The following SLC1A6 variants were observed in gnomAD, a reference collection of about 807,000 sequenced individuals.
The protein encoded by SLC1A6 is excitatory amino acid transporter 4.
A neutral mutation model predicts 42.1 loss-of-function variants in SLC1A6; 15 were observed. That is an observed-to-expected ratio of 0.36 (90% CI 0.24 to 0.55). SLC1A6 has a LOEUF of 0.55. Ranked by LOEUF, SLC1A6 falls within the 20% of genes least tolerant of loss-of-function variation. The pLI is 0.88. For missense variants in SLC1A6, 542 were observed against 772.5 expected (o/e 0.70, Z 3.54); for synonymous variants, 317 against 319.7 (o/e 0.99, Z 0.09).
chr19:14,988,370 G>T (rs549073814), intron 1 of SLC1A6, among the ~76,000 whole-genome samples: 1 of 152,288 alleles, frequency 6.6e-6, no homozygotes, highest in East Asian at 1.9e-4. Flanking sequence ...TAGAAAAGGA[G>T]CTGGAACTTA....
intron 1 of SLC1A6, among the ~76,000 whole-genome samples, chr19:15,006,347 C>T (rs1013856): frequency 0.84 from 127,095 of 152,082 alleles, 53,231 homozygotes; most frequent in East Asian, 0.92. Context: ...ACCATAATAT[C>T]CTCCTGATGC....
At chr19:14,996,950 G>C (rs1294029169) in intron 1 of SLC1A6, among the ~76,000 whole-genome samples, 2 of 152,064 alleles carry the variant, frequency 1.3e-5, no homozygotes, top group African/African-American at 4.8e-5. Context: ...GGATCTGGTG[G>C]GGTGTGAAAG....
Position 14,971,873 on chromosome 19 carries a change from C to A in SLC1A6, c.207G>T (p.Gly69=). The part of the protein sequence containing the change: ...ILLTVSAVVI[G]VSLAFALRPY... The stretch of plus-strand genomic sequence containing the variant: ...GGCGCAGGGCAAAGGCCAGGCTGAC[C>A]CCTAGGGCCAAAAGAAGGGGTCCAT... The change falls in exon 3 of 10, where the codon GGG becomes GGT. Residue 69 remains glycine, a splice_region_variant and synonymous_variant. Coordinates refer to ENST00000594383, the MANE Select transcript of SLC1A6 (RefSeq NM_005071.3). The A allele has an allele frequency of 1.9e-6, 3 of 1,614,004 alleles. No individual in the cohort carries two copies. Among genetic ancestry groups the A allele is most frequent in the Non-Finnish European group, 2.5e-6 (3 of 1,179,958 alleles).
At chr19:14,967,512 C>A (rs539634554) in intron 4 of SLC1A6, among the ~76,000 whole-genome samples, 1 of 152,138 alleles carries the variant, frequency 6.6e-6, no homozygotes, top group Non-Finnish European at 1.5e-5. Context: ...AATCTAGACA[C>A]AACAACTAAC....
chr19:14,952,784 G>A, intron 9 of SLC1A6, 144 bp downstream of exon 9: 1 of 948,664 alleles, frequency 1.1e-6, no homozygotes, highest in Non-Finnish European at 1.5e-6. Flanking sequence ...TGGATTGGAG[G>A]CCTCTCCAAG....
intron 7 of SLC1A6, 118 bp downstream of exon 7, chr19:14,956,358 T>G: frequency 4.8e-6 from 3 of 631,540 alleles, no homozygotes; most frequent in Non-Finnish European, 8.3e-6. Context: ...GCCCTGGACA[T>G]TGTTGGACGA....
intron 1 of SLC1A6, among the ~76,000 whole-genome samples, chr19:15,010,206 GAAAA>G (rs1380898071): frequency 2.9e-5 from 4 of 138,942 alleles, no homozygotes; most frequent in African/African-American, 8.4e-5. Context: ...AAGAAAGAAA[GAAAA>G]AAGAAAGAGA....
Position 14,968,408 on chromosome 19 carries a change from A to G in SLC1A6, c.443T>C (p.Leu148Pro). 6.2e-7 allele frequency: 1 copy of G among 1,613,810 alleles called. No homozygotes were observed. The highest frequency in any genetic ancestry group is 8.5e-7 in the Non-Finnish European group (1 of 1,179,910). ...CCCGGGATGGATGATGGTGACCATG[A>G]GGATGCCGATGAAGACCGCGATGAT... Reference protein sequence around the residue: ...TTIIAVFIGILMVTIIHPGKG... With the variant: ...TTIIAVFIGIPMVTIIHPGKG... Residue 148 changes from leucine (L) to proline (P), a missense_variant, in exon 4 of 10, where the codon CTC (leucine) becomes CCC (proline). Leu to Pro is a moderately conservative substitution (Grantham distance 98). Transcript: ENST00000594383.
rs146747862 is a variant in SLC1A6 at position 14,988,162 on chromosome 19, C to G, written c.7-15245G>C. ...TGTTAGCTTCCCTATCTTAGTGCAC[C>G]TGAAGGGAAAGGAATGTGTTTATTA... On this transcript the variant is annotated intron_variant, in intron 1 of 8. Transcript: ENST00000430939. Among the ~76,000 whole-genome samples, 6 of 152,262 alleles carry G rather than the reference C, an allele frequency of 3.9e-5. No homozygotes were observed. In the East Asian group the frequency reaches 1.2e-3, roughly 29 times the overall value.
intron 1 of SLC1A6, among the ~76,000 whole-genome samples, chr19:14,986,502 G>A (rs889147239): frequency 2.6e-5 from 4 of 151,164 alleles, no homozygotes; most frequent in Admixed American, 6.6e-5. Context: ...CAGCCTGGGC[G>A]GCAAGAGTGA....
chr19:14,962,145 A>G lies in SLC1A6; in HGVS notation c.792T>C (p.Asn264=), dbSNP rs553413134. 10 of 1,614,162 alleles carry G rather than the reference A, an allele frequency of 6.2e-6. No homozygotes were observed. The highest frequency in any genetic ancestry group is 1.3e-5 in the African/African-American group (1 of 75,050). ...CCACGAGGCCCAGGGCGTTGATGCCATTGGCGGAGCCAGGCACGGGTACAG... is the reference window on the plus strand; with the variant it reads ...CCACGAGGCCCAGGGCGTTGATGCCGTTGGCGGAGCCAGGCACGGGTACAG... ...EETVPVPGSA[N]GINALGLVVF... Residue 264 remains asparagine (N), a synonymous_variant, in exon 6 of 10, where the codon AAT becomes AAC. Coordinates refer to ENST00000594383, the MANE Select transcript of SLC1A6 (RefSeq NM_005071.3).
At chr19:14,999,622 TATC>T (rs994574091) in intron 1 of SLC1A6, among the ~76,000 whole-genome samples, 14 of 152,324 alleles carry the variant, frequency 9.2e-5, no homozygotes, top group African/African-American at 3.1e-4. Context: ...CTCACATACT[TATC>T]ATTTTTTTGT....
chr19:14,956,539 T>C lies in SLC1A6; in HGVS notation c.1106A>G (p.Asn369Ser). The change falls in exon 7 of 10, where the codon AAC (asparagine) becomes AGC (serine). Residue 369 changes from asparagine to serine, a missense_variant. Transcript: ENST00000594383. ...PLIYFLVTHRNPFPFIGGMLQ... is the reference protein window; with the variant it reads ...PLIYFLVTHRSPFPFIGGMLQ... ...CATGCCCCCAATGAAGGGGAAGGGG[T>C]TCCGGTGAGTGACGAGGAAGTAGAT... 1.9e-6 allele frequency: 3 copies of C among 1,611,182 alleles called. No individual in the cohort carries two copies. In the Admixed American group the frequency reaches 5.0e-5, roughly 27 times the overall value.
chr19:14,955,389 T>C (rs2045452475), intron 7 of SLC1A6, among the ~76,000 whole-genome samples: 3 of 151,610 alleles, frequency 2.0e-5, no homozygotes, highest in Admixed American at 6.6e-5. Context: ...AGACAAGCCA[T>C]AGCCAACATG....
intron 6 of SLC1A6, among the ~76,000 whole-genome samples, chr19:14,957,352 C>T (rs2045472414): frequency 6.6e-6 from 1 of 152,128 alleles, no homozygotes; most frequent in East Asian, 1.9e-4. Flanking sequence ...TGTCCCCTCC[C>T]CACTCCAACC....
At chr19:14,984,038 G>A (rs541127316), upstream of SLC1A6, among the ~76,000 whole-genome samples, 14 of 152,120 alleles carry the variant, frequency 9.2e-5, no homozygotes, top group African/African-American at 2.9e-4. Context: ...GGCTGGGTGC[G>A]GTGGCTCATG....
rs547928354 is a variant in SLC1A6 at position 14,966,230 on chromosome 19, G to A, written c.549-1869C>T. Among the ~76,000 whole-genome samples the A allele has an allele frequency of 1.6e-4, 25 of 152,252 alleles. No individual in the cohort carries two copies. In the East Asian group the frequency reaches 2.1e-3, roughly 13 times the overall value. ...TCATAGGCCGGGCACAGTGGCTCACGTCTGTAATCTCAGCAGTTTAAGAGG... is the reference window on the plus strand; with the variant it reads ...TCATAGGCCGGGCACAGTGGCTCACATCTGTAATCTCAGCAGTTTAAGAGG... On this transcript the variant is annotated intron_variant, in intron 4 of 9. Transcript: ENST00000594383.
rs371809507 is a variant in SLC1A6 at position 14,971,115 on chromosome 19, C to G, written c.343+622G>C. The stretch of plus-strand genomic sequence containing the variant: ...ACTGCACCCCAGCCTGGTAACAGAG[C>G]AAGATTTTGTTAAAAACAAAAGAAA... On this transcript the variant is annotated intron_variant, in intron 3 of 9. Transcript: ENST00000594383. 9.1e-4 allele frequency among the ~76,000 whole-genome samples: 139 copies of G among 152,194 alleles called. 1 individual carries two copies. The South Asian group carries it at 0.011, about 12-fold the overall frequency.
At chr19:14,968,588 T>C (rs2045601378) in intron 3 of SLC1A6, 81 bp from the exon 4 acceptor site, 2 of 1,224,484 alleles carry the variant, frequency 1.6e-6, no homozygotes, top group Admixed American at 4.5e-5. Flanking sequence ...ACCCTCCCCA[T>C]ATCACCAACT....
Sources: allele counts gnomAD v4.1 joint callset (sites outside exome capture counted in the v4.1 genomes callset), GRCh38; gene constraint gnomAD v4.1.1; transcripts MANE v1.5; gene names NCBI Gene and HGNC (gene_info 2026-07-23, HGNC 2026-07-21).